ANKS1B: variants seen among roughly 807,000 people sequenced by gnomAD.
ANKS1B encodes ankyrin repeat and sterile alpha motif domain containing 1B.
Under a neutral mutation model 148.3 loss-of-function variants are expected in ANKS1B, and 36 were observed. That is an observed-to-expected ratio of 0.24 (90% CI 0.19 to 0.32). The LOEUF (loss-of-function observed/expected upper bound fraction) is 0.32. ANKS1B is among the 10% of genes least tolerant of loss of function. ANKS1B has a pLI of 1.00. For synonymous variants in ANKS1B, 542 were observed against 560.8 expected, an observed-to-expected ratio of 0.97 and a Z score of 0.47; for missense variants, 1,157 against 1,542.6, an observed-to-expected ratio of 0.75 and a Z score of 4.19.
intron 17 of ANKS1B, among the ~76,000 whole-genome samples, chr12:98,838,569 C>T (rs1262383380): frequency 6.6e-6 from 1 of 152,210 alleles, no homozygotes; most frequent in East Asian, 1.9e-4. Flanking sequence ...ACAAGCGATT[C>T]TAGTTCTCAC....
rs954127648 is a variant in ANKS1B, at chr12:99,144,974, T to C, written c.2526+9315A>G. On this transcript the variant is annotated intron_variant, in intron 15 of 26. Coordinates refer to ENST00000683438, the MANE Select transcript of ANKS1B (RefSeq NM_001352186.2). ...CAGCCACCTAGTTTGTGGTTCTTTG[T>C]TGTGGCAGCCATAGCAAACTGATAT... Among the ~76,000 whole-genome samples the C allele has an allele frequency of 7.9e-5, 12 of 152,218 alleles. 1 individual carries two copies. Among genetic ancestry groups the C allele is most frequent in the African/African-American group, 2.9e-4 (12 of 41,544 alleles).
At chr12:99,688,793 A>T (rs1328053102) in intron 8 of ANKS1B, among the ~76,000 whole-genome samples, 1 of 152,030 alleles carries the variant, frequency 6.6e-6, no homozygotes, top group Non-Finnish European at 1.5e-5. Context: ...GTGAGCTATG[A>T]TTGCACCATC....
At chr12:99,081,154 C>G (rs1276818631) in intron 16 of ANKS1B, among the ~76,000 whole-genome samples, 2 of 152,102 alleles carry the variant, frequency 1.3e-5, no homozygotes, top group Non-Finnish European at 2.9e-5. Context: ...AATAGCTATT[C>G]TTACAAAAGG....
At chr12:99,468,167 T>G (rs1308924197) in intron 10 of ANKS1B, among the ~76,000 whole-genome samples, 1 of 151,946 alleles carries the variant, frequency 6.6e-6, no homozygotes, top group Non-Finnish European at 1.5e-5. Context: ...TTGACAAACC[T>G]GAGAAAAACA....
chr12:99,862,343 A>G (rs182917721), intron 1 of ANKS1B, among the ~76,000 whole-genome samples: 10 of 152,368 alleles, frequency 6.6e-5, no homozygotes, highest in Admixed American at 6.5e-4. Context: ...AGGCTTTTCA[A>G]TAGTCAAACT....
At chr12:99,887,902 A>T (rs1413347343) in intron 1 of ANKS1B, among the ~76,000 whole-genome samples, 1 of 152,186 alleles carries the variant, frequency 6.6e-6, no homozygotes, top group Non-Finnish European at 1.5e-5. Flanking sequence ...AAAACCAGGT[A>T]CAGAATGGTG....
intron 12 of ANKS1B, chr12:99,344,826 C>G (rs1592736516): frequency 1.3e-5 from 2 of 151,914 alleles, no homozygotes; most frequent in East Asian, 3.9e-4. Context: ...TGTGGAAGTG[C>G]TAATATAATT....
intron 9 of ANKS1B, among the ~76,000 whole-genome samples, chr12:99,560,222 C>G (rs1274662888): frequency 5.9e-5 from 9 of 152,028 alleles, no homozygotes; most frequent in Non-Finnish European, 1.5e-5. Context: ...TGCTTATTTT[C>G]TTTGTTCCTG....
intron 8 of ANKS1B, among the ~76,000 whole-genome samples, chr12:99,757,024 C>T (rs1601536462): frequency 2.6e-5 from 4 of 152,086 alleles, no homozygotes; most frequent in Admixed American, 2.0e-4. Context: ...TAATACCATT[C>T]AGGACACAGG....
chr12:99,976,471 A>C (rs751826044), intron 1 of ANKS1B, among the ~76,000 whole-genome samples: 2 of 152,102 alleles, frequency 1.3e-5, no homozygotes, highest in Non-Finnish European at 2.9e-5. Flanking sequence ...GTGATTGAGG[A>C]GGGTTAAAGG....
At chr12:99,277,511 G>A (rs1218652430) in intron 12 of ANKS1B, among the ~76,000 whole-genome samples, 1 of 152,178 alleles carries the variant, frequency 6.6e-6, no homozygotes, top group East Asian at 1.9e-4. Flanking sequence ...TAATAAAATA[G>A]GAGGCTCTAA....
At chr12:99,710,388 C>A (rs1445192461) in intron 8 of ANKS1B, among the ~76,000 whole-genome samples, 1 of 152,024 alleles carries the variant, frequency 6.6e-6, no homozygotes, top group East Asian at 1.9e-4. Flanking sequence ...AAAGAAATAG[C>A]TGTTGGTGTT....
At chr12:99,036,935 A>G (rs2099955925) in intron 17 of ANKS1B, among the ~76,000 whole-genome samples, 1 of 152,344 alleles carries the variant, frequency 6.6e-6, no homozygotes, top group East Asian at 1.9e-4. Context: ...GAATCACCAT[A>G]AGGCTCTGTG....
intron 17 of ANKS1B, among the ~76,000 whole-genome samples, chr12:98,866,072 G>T (rs1157681513): frequency 2.0e-5 from 3 of 152,022 alleles, no homozygotes; most frequent in Non-Finnish European, 4.4e-5. Flanking sequence ...CCTCCCAAAG[G>T]CCCCACCTCC....
intron 9 of ANKS1B, among the ~76,000 whole-genome samples, chr12:99,520,673 C>A (rs548273630): frequency 6.6e-6 from 1 of 152,292 alleles, no homozygotes; most frequent in African/African-American, 2.4e-5. Flanking sequence ...CCCCCACCTC[C>A]TCTTTAAGGC....
intron 9 of ANKS1B, among the ~76,000 whole-genome samples, chr12:99,572,834 T>C (rs1451935703): frequency 6.6e-6 from 1 of 152,108 alleles, no homozygotes; most frequent in African/African-American, 2.4e-5. Flanking sequence ...CTTTAATTTA[T>C]ACAAATAAAT....
In ANKS1B at chr12:99,316,903, C is replaced by A. The variant is rs549086358; in HGVS notation, c.1757-70039G>T. ...TTCTACATGTGGCTAGCCAGTTTTC[C>A]CAGCACCATTTATTAAATAGGGAAT... is the stretch of plus-strand genomic sequence containing the variant. On this transcript the variant is annotated intron_variant, in intron 12 of 26. Transcript: ENST00000683438. Among the ~76,000 whole-genome samples, 9 of 152,214 alleles carry A rather than the reference C, an allele frequency of 5.9e-5. No individual in the cohort carries two copies. In the East Asian group the frequency reaches 1.2e-3, roughly 20 times the overall value.
intron 17 of ANKS1B, among the ~76,000 whole-genome samples, chr12:98,956,681 C>A (rs1459852993): frequency 2.6e-5 from 4 of 151,976 alleles, no homozygotes; most frequent in African/African-American, 4.8e-5. Flanking sequence ...GTGGGGGATA[C>A]AAAGCTAGAC....
intron 9 of ANKS1B, among the ~76,000 whole-genome samples, chr12:99,575,394 T>G (rs2097506350): frequency 6.6e-6 from 1 of 152,086 alleles, no homozygotes; most frequent in Non-Finnish European, 1.5e-5. Flanking sequence ...AAGGGAGTGC[T>G]AAACATGGAC....
Sources: gnomAD v4.1 joint callset for allele counts (sites outside exome capture counted in the v4.1 genomes callset) on GRCh38, gnomAD v4.1.1 for gene constraint, MANE v1.5 for transcripts, NCBI Gene and HGNC (gene_info 2026-07-23, HGNC 2026-07-21) for gene names.